WLS: variants seen among roughly 807,000 people sequenced by gnomAD.
The protein encoded by WLS is Wnt ligand secretion mediator.
A neutral mutation model predicts 62.8 loss-of-function variants in WLS; 23 were observed. The ratio of observed to expected loss-of-function variants is 0.37; its 90% CI spans 0.26 to 0.52. The LOEUF is 0.52. WLS is among the 20% of genes least tolerant of loss of function. The pLI is 0.92. For missense variants in WLS, 615 were observed against 697.3 expected (o/e 0.88, Z 1.33); for synonymous variants, 246 against 244.1 (o/e 1.01, Z -0.07).
chr1:68,178,223 T>G (rs902735855), intron 2 of WLS, among the ~76,000 whole-genome samples: 1 of 152,244 alleles, frequency 6.6e-6, no homozygotes, highest in Non-Finnish European at 1.5e-5. Context: ...TCATTTCCCC[T>G]TCTATGTTTA....
chr1:68,198,528 A>G (rs1023536135), intron 1 of WLS, among the ~76,000 whole-genome samples: 6 of 152,144 alleles, frequency 3.9e-5, no homozygotes, highest in Non-Finnish European at 8.8e-5. Flanking sequence ...ACACAACCTG[A>G]AGTCTCTATG....
rs540165821 is a variant in WLS, at chr1:68,215,039, C to T, written c.106+17155G>A. On this transcript the variant is annotated intron_variant, in intron 1 of 11. Transcript: ENST00000262348. ...AGACTAACTTGAGGCATAAATCCAC[C>T]GTGGCTAGTGCTTGGCTTGGTCACA... 5.3e-5 allele frequency among the ~76,000 whole-genome samples: 8 copies of T among 152,174 alleles called. No individual in the cohort carries two copies. In the South Asian group the frequency reaches 1.0e-3, roughly 20 times the overall value.
At chr1:68,171,485 C>T (rs1399822300) in intron 2 of WLS, among the ~76,000 whole-genome samples, 1 of 152,014 alleles carries the variant, frequency 6.6e-6, no homozygotes, top group Non-Finnish European at 1.5e-5. Context: ...ACAAAAAACC[C>T]CATCAAAAAG....
chr1:68,113,586 T>TG (rs773724523), intron 11 of WLS, among the ~76,000 whole-genome samples: 1 of 152,188 alleles, frequency 6.6e-6, no homozygotes, highest in African/African-American at 2.4e-5. Flanking sequence ...AGGGATGGCA[T>TG]GGGACCCCCT....
At chr1:68,126,481 A>G in intron 11 of WLS, 146 bp from the exon 12 acceptor site, 2 of 1,110,052 alleles carry the variant, frequency 1.8e-6, no homozygotes, top group South Asian at 3.1e-5. Context: ...ATTCAGAACA[A>G]GGACTAACTC....
chr1:68,122,647 G>A (rs1385297791), downstream of WLS, among the ~76,000 whole-genome samples: 1 of 151,998 alleles, frequency 6.6e-6, no homozygotes, highest in Admixed American at 6.6e-5. Context: ...TGTTTATTAT[G>A]ACAATGTATA....
At chr1:68,177,974 T>G (rs2772302) in intron 2 of WLS, among the ~76,000 whole-genome samples, 151,306 of 152,318 alleles carry the variant, frequency 0.99, 75,156 homozygotes, top group East Asian at 1. Flanking sequence ...GCCAAGGGTC[T>G]CATAATTTAT....
chr1:68,173,980 G>A (rs187058924), intron 2 of WLS, among the ~76,000 whole-genome samples: 3 of 152,082 alleles, frequency 2.0e-5, no homozygotes, highest in Non-Finnish European at 2.9e-5. Context: ...CATCATTAAG[G>A]GGCAGAAACC....
chr1:68,120,522 T>TTA (rs1380911232), downstream of WLS, among the ~76,000 whole-genome samples: 8 of 152,242 alleles, frequency 5.3e-5, no homozygotes, highest in Non-Finnish European at 8.8e-5. Context: ...TGAAGTTCCT[T>TTA]TAGTTCCAAC....
intron 2 of WLS, among the ~76,000 whole-genome samples, chr1:68,167,371 C>T (rs1647074593): frequency 6.6e-6 from 1 of 152,206 alleles, no homozygotes; most frequent in African/African-American, 2.4e-5. Flanking sequence ...ATTGTTTTCT[C>T]TTCTGCCTCC....
downstream of WLS, among the ~76,000 whole-genome samples, chr1:68,123,328 C>T (rs1646386318): frequency 1.3e-5 from 2 of 152,084 alleles, no homozygotes; most frequent in Admixed American, 1.3e-4. Flanking sequence ...GTCTTTTTTC[C>T]TTATGAATCT....
At chr1:68,137,756 T>C in intron 11 of WLS, 24 bp downstream of exon 11, 1 of 1,606,270 alleles carries the variant, frequency 6.2e-7, no homozygotes, top group Non-Finnish European at 8.5e-7. Context: ...TGACTTAAGC[T>C]GTTCTAAAGA....
intron 11 of WLS, among the ~76,000 whole-genome samples, chr1:68,116,871 T>G (rs1432964410): frequency 6.6e-6 from 1 of 152,206 alleles, no homozygotes; most frequent in Non-Finnish European, 1.5e-5. Context: ...GACTGATTAA[T>G]TGTGGACAAG....
chr1:68,114,738 C>T lies in WLS; in HGVS notation c.1511-15985G>A, dbSNP rs573486283. On this transcript the variant is annotated intron_variant, in intron 11 of 11. Coordinates refer to the WLS transcript ENST00000354777. ...GAGAGACTTGCTCAGAGCCCCGTCC[C>T]AGAAGTGGGCAAGATTCATATTTGT... 7.9e-5 allele frequency among the ~76,000 whole-genome samples: 12 copies of T among 152,316 alleles called. No individual in the cohort carries two copies. In the South Asian group the frequency reaches 2.5e-3, roughly 32 times the overall value.
downstream of WLS, among the ~76,000 whole-genome samples, chr1:68,122,751 T>C (rs1194776598): frequency 6.6e-6 from 1 of 152,198 alleles, no homozygotes; most frequent in Admixed American, 6.5e-5. Flanking sequence ...CACTTCTCTT[T>C]CCACTGATTG....
At chr1:68,215,537 TA>T (rs1649692124) in intron 1 of WLS, among the ~76,000 whole-genome samples, 1 of 152,172 alleles carries the variant, frequency 6.6e-6, no homozygotes, top group Non-Finnish European at 1.5e-5. Context: ...TCAAAATCCT[TA>T]AAAATGTGCA....
intron 11 of WLS, among the ~76,000 whole-genome samples, chr1:68,135,953 C>T (rs1309533167): frequency 6.6e-6 from 1 of 152,188 alleles, no homozygotes; most frequent in Non-Finnish European, 1.5e-5. Flanking sequence ...GTCAGTCAAA[C>T]CAAAGTTGGG....
chr1:68,173,339 T>C (rs557562900), intron 2 of WLS, among the ~76,000 whole-genome samples: 5 of 152,296 alleles, frequency 3.3e-5, no homozygotes, highest in African/African-American at 1.2e-4. Flanking sequence ...TTGCTTTCTC[T>C]CCAGGACACT....
At chr1:68,188,700 AGAGAGG>A (rs1209203684) in intron 2 of WLS, among the ~76,000 whole-genome samples, 1 of 152,232 alleles carries the variant, frequency 6.6e-6, no homozygotes, top group Non-Finnish European at 1.5e-5. Flanking sequence ...AGGAATCACA[AGAGAGG>A]AAGAGGCAGG....
Sources: gnomAD v4.1 joint callset for allele counts (sites outside exome capture counted in the v4.1 genomes callset) on GRCh38, gnomAD v4.1.1 for gene constraint, MANE v1.5 for transcripts, NCBI Gene and HGNC (gene_info 2026-07-23, HGNC 2026-07-21) for gene names.